Variants in ETF1 observed in about 807,000 individuals in gnomAD.
ETF1 encodes the protein eukaryotic peptide chain release factor subunit 1.
In ETF1, 4 loss-of-function variants were observed where a neutral mutation model predicts 55.1. That is an observed-to-expected ratio of 0.07 (90% CI 0.04 to 0.17). The LOEUF (loss-of-function observed/expected upper bound fraction) is 0.17, where lower values mean the gene tolerates loss of function less well. ETF1 is among the 10% of genes least tolerant of loss of function. ETF1 has a pLI of 1.00. For missense variants in ETF1, 142 were observed against 523.6 expected (o/e 0.27, Z 7.11); for synonymous variants, 157 against 182.3 (o/e 0.86, Z 1.12).
intron 2 of ETF1, among the ~76,000 whole-genome samples, chr5:138,523,577 T>C (rs1218771318): frequency 6.6e-6 from 1 of 152,252 alleles, no homozygotes; most frequent in East Asian, 1.9e-4. Flanking sequence ...TTACACAAAA[T>C]GTTCACAATA....
chr5:138,519,146 G>A (rs1462562554), intron 2 of ETF1: 1 of 984,350 alleles, frequency 1.0e-6, no homozygotes, highest in Non-Finnish European at 1.2e-6. Flanking sequence ...ATTTCCTAAA[G>A]AAAGAAGCTA....
intron 2 of ETF1, among the ~76,000 whole-genome samples, chr5:138,519,982 T>A (rs1459949176): frequency 6.9e-6 from 1 of 145,630 alleles, no homozygotes; most frequent in Non-Finnish European, 1.5e-5. Context: ...TAAATGCGTA[T>A]CTCAAAATGT....
rs149026661 is a variant in ETF1 at position 138,511,749 on chromosome 5, C to A, written c.733-145G>T. 38 of 1,382,132 alleles carry A rather than the reference C, an allele frequency of 2.7e-5. 1 individual carries two copies. The highest frequency in any genetic ancestry group is 3.3e-5 in the Non-Finnish European group (35 of 1,068,276). 85.6% of individuals were successfully genotyped at this position (1,382,132 alleles called of 1,614,324 possible). ...GAAGTCTAAATATGGGGAAGGAGCC[C>A]AATTTAATCAAAAGCTGCTCTTAAA... On this transcript the variant is annotated intron_variant, in intron 6 of 10. Transcript: ENST00000360541.
intron 3 of ETF1, chr5:138,517,921 G>A: frequency 3.0e-6 from 3 of 983,780 alleles, no homozygotes; most frequent in Non-Finnish European, 3.6e-6. Flanking sequence ...TAAACAGGCT[G>A]GACGTGGTGG....
chr5:138,533,653 T>C (rs1765796966), intron 2 of ETF1, among the ~76,000 whole-genome samples: 1 of 152,106 alleles, frequency 6.6e-6, no homozygotes, highest in East Asian at 1.9e-4. Context: ...ACCACTGCAC[T>C]CCAGCCTGGA....
intron 9 of ETF1, among the ~76,000 whole-genome samples, chr5:138,509,832 T>C (rs1350204020): frequency 7.4e-6 from 1 of 135,028 alleles, no homozygotes; most frequent in Non-Finnish European, 1.5e-5. Context: ...GAGGTGGAGG[T>C]TGCAGTGAGC....
chr5:138,521,240 G>A (rs968867009), intron 2 of ETF1, among the ~76,000 whole-genome samples: 2 of 152,172 alleles, frequency 1.3e-5, no homozygotes, highest in African/African-American at 4.8e-5. Flanking sequence ...GACAAATACT[G>A]TATGATTCTG....
Position 138,507,263 on chromosome 5 carries a change from G to A in ETF1, c.*1042C>T, listed in dbSNP as rs1764592973. The A allele has an allele frequency of 6.6e-6, 1 of 152,312 alleles. No individual in the cohort carries two copies. The allele number at this position is 152,312 out of a possible 1,614,324, so 9.4% of individuals were successfully genotyped here. A position where few individuals can be genotyped will look rare whatever the true frequency, so the allele number is the denominator to read the frequency against. On this transcript the variant is annotated 3_prime_UTR_variant, in exon 11 of 11. Transcript: ENST00000360541. ...CTCCAACCCCACCAGGAGGTCAGGA[G>A]TTTATAATTACATGCAGTCATACAT...
intron 2 of ETF1, among the ~76,000 whole-genome samples, chr5:138,533,032 C>T (rs986403618): frequency 2.0e-5 from 3 of 152,052 alleles, no homozygotes; most frequent in Non-Finnish European, 2.9e-5. Flanking sequence ...CTCCGCCTCC[C>T]GGGTTCAAGC....
chr5:138,513,376 C>T (rs960583509), intron 5 of ETF1, 192 bp downstream of exon 5: 1 of 321,086 alleles, frequency 3.1e-6, no homozygotes, highest in Non-Finnish European at 4.5e-6. Context: ...GGATTACAGG[C>T]GCCCGTCACA....
intron 9 of ETF1, among the ~76,000 whole-genome samples, chr5:138,509,489 T>C (rs914259304): frequency 6.6e-5 from 10 of 152,098 alleles, no homozygotes; most frequent in African/African-American, 2.2e-4. Context: ...AGGCCAGGCA[T>C]GGTGGGTCAC....
chr5:138,539,593 G>C (rs543530211), intron 2 of ETF1, among the ~76,000 whole-genome samples: 3 of 152,270 alleles, frequency 2.0e-5, no homozygotes, highest in Non-Finnish European at 4.4e-5. Flanking sequence ...AGGCTTATCT[G>C]AAACCAAATA....
chr5:138,525,554 A>G (rs984195186), intron 2 of ETF1, among the ~76,000 whole-genome samples: 2 of 152,242 alleles, frequency 1.3e-5, no homozygotes, highest in Non-Finnish European at 2.9e-5. Context: ...CCTGATCTAA[A>G]GGCTGGCTTT....
chr5:138,543,031 G>T, intron 1 of ETF1, 66 bp downstream of exon 1: 1 of 1,128,836 alleles, frequency 8.9e-7, no homozygotes. Context: ...TCCCCCAGAG[G>T]CCCTCTCCTC....
chr5:138,520,946 A>T (rs72805820), intron 2 of ETF1, among the ~76,000 whole-genome samples: 2,625 of 151,842 alleles, frequency 0.017, 102 homozygotes, highest in Admixed American at 0.086. Flanking sequence ...AAAAAAAAAA[A>T]TTTTTTTTTA....
chr5:138,542,727 T>G, intron 2 of ETF1, 106 bp downstream of exon 2: 2 of 1,535,642 alleles, frequency 1.3e-6, no homozygotes, highest in East Asian at 2.4e-5. Flanking sequence ...AAGGCGGGAG[T>G]TGGCTAGTGC....
At chr5:138,542,552 G>C in intron 2 of ETF1, 1 of 1,226,716 alleles carries the variant, frequency 8.2e-7, no homozygotes. Context: ...TGGACTTAAG[G>C]GCCCGGGAGA....
At chr5:138,513,458 C>T in intron 5 of ETF1, 110 bp downstream of exon 5, 2 of 965,940 alleles carry the variant, frequency 2.1e-6, no homozygotes, top group Non-Finnish European at 3.1e-6. Context: ...CCCGGCTCGG[C>T]CTCCCAAAGT....
At chr5:138,509,314 G>T in intron 9 of ETF1, 1 of 235,184 alleles carries the variant, frequency 4.3e-6, no homozygotes, top group Non-Finnish European at 6.9e-6. Flanking sequence ...CCACTGCAGT[G>T]GAAGAGCTGA....
Sources: gnomAD v4.1 joint callset for allele counts (sites outside exome capture counted in the v4.1 genomes callset) on GRCh38, gnomAD v4.1.1 for gene constraint, MANE v1.5 for transcripts, NCBI Gene and HGNC (gene_info 2026-07-23, HGNC 2026-07-21) for gene names.